Variants in FHIT observed in about 807,000 individuals in gnomAD.
FHIT encodes bis(5'-adenosyl)-triphosphatase.
In FHIT, 19 loss-of-function variants were observed where a neutral mutation model predicts 17.9. That is an observed-to-expected ratio of 1.06 (90% CI 0.74 to 1.56). The LOEUF is 1.56. Among genes scored for constraint, FHIT ranks in the 40% most tolerant of loss-of-function variants. The pLI, the probability that FHIT is intolerant of heterozygous loss-of-function variation, is 0.00. For missense variants in FHIT, 248 were observed against 189.2 expected, an observed-to-expected ratio of 1.31 and a Z score of -1.82; for synonymous variants, 81 against 69.7, an observed-to-expected ratio of 1.16 and a Z score of -0.81.
intron 4 of FHIT, among the ~76,000 whole-genome samples, chr3:60,575,878 T>C (rs2037547821): frequency 6.6e-6 from 1 of 152,074 alleles, no homozygotes; most frequent in Admixed American, 6.5e-5. Context: ...CTACCACAAC[T>C]GCTGAAAGGA....
At chr3:60,586,160 G>T (rs187590622) in intron 4 of FHIT, among the ~76,000 whole-genome samples, 4 of 151,816 alleles carry the variant, frequency 2.6e-5, no homozygotes, top group Admixed American at 2.6e-4. Flanking sequence ...TGAGCACACT[G>T]GCTGCAGTAA....
intron 7 of FHIT, among the ~76,000 whole-genome samples, chr3:59,997,399 AT>A (rs1699558055): frequency 6.6e-6 from 1 of 152,194 alleles, no homozygotes; most frequent in South Asian, 2.1e-4. Flanking sequence ...GTTCACAATA[AT>A]AAAAAGAAAG....
chr3:60,569,339 T>A (rs1387081481), intron 4 of FHIT, among the ~76,000 whole-genome samples: 2 of 152,162 alleles, frequency 1.3e-5, no homozygotes, highest in African/African-American at 2.4e-5. Context: ...TTCAGTACTG[T>A]GATAAAGTGA....
chr3:60,934,277 C>CA (rs1288382427), intron 3 of FHIT, among the ~76,000 whole-genome samples: 52 of 149,688 alleles, frequency 3.5e-4, no homozygotes, highest in African/African-American at 7.1e-4. Context: ...ACAGCCCTAT[C>CA]AAAAAAAAGA....
chr3:60,277,505 G>A (rs1173925285), intron 5 of FHIT, among the ~76,000 whole-genome samples: 1 of 152,124 alleles, frequency 6.6e-6, no homozygotes, highest in Admixed American at 6.5e-5. Context: ...TTCTTTGCCA[G>A]CCACATGTAG....
At chr3:61,065,292 C>T (rs529341720) in intron 2 of FHIT, among the ~76,000 whole-genome samples, 57 of 116,414 alleles carry the variant, frequency 4.9e-4, no homozygotes, top group African/African-American at 1.6e-3. Flanking sequence ...CACACACACA[C>T]ACATACACAC....
intron 8 of FHIT, among the ~76,000 whole-genome samples, chr3:59,862,431 A>G (rs915113478): frequency 1.3e-5 from 2 of 152,206 alleles, no homozygotes; most frequent in Non-Finnish European, 2.9e-5. Flanking sequence ...AACCATATCA[A>G]CAATCATAAC....
At chr3:60,682,201 G>C (rs1239176858) in intron 4 of FHIT, among the ~76,000 whole-genome samples, 2 of 152,054 alleles carry the variant, frequency 1.3e-5, no homozygotes, top group African/African-American at 4.8e-5. Flanking sequence ...TCGAACTCCT[G>C]ACCTCATTAT....
At chr3:61,124,278 C>T (rs2036546417) in intron 2 of FHIT, among the ~76,000 whole-genome samples, 2 of 152,146 alleles carry the variant, frequency 1.3e-5, no homozygotes, top group Admixed American at 1.3e-4. Context: ...ATAGCCAAAA[C>T]TCTCTGTGGT....
chr3:59,802,270 G>A (rs1039591870), intron 8 of FHIT, among the ~76,000 whole-genome samples: 1 of 152,016 alleles, frequency 6.6e-6, no homozygotes, highest in African/African-American at 2.4e-5. Context: ...TCAGACAGAA[G>A]CCTGTGTGTG....
chr3:60,532,556 C>G (rs1199234888), intron 5 of FHIT, among the ~76,000 whole-genome samples: 7 of 152,118 alleles, frequency 4.6e-5, no homozygotes, highest in African/African-American at 1.4e-4. Flanking sequence ...ATTCTGTCAC[C>G]AAGAAACTCT....
chr3:60,225,830 C>G (rs544394852), intron 5 of FHIT, among the ~76,000 whole-genome samples: 1 of 152,114 alleles, frequency 6.6e-6, no homozygotes, highest in African/African-American at 2.4e-5. Context: ...AGACAGAATA[C>G]AGCATTCTCT....
At chr3:59,972,631 G>A (rs1037158526) in intron 7 of FHIT, among the ~76,000 whole-genome samples, 2 of 152,066 alleles carry the variant, frequency 1.3e-5, no homozygotes, top group Non-Finnish European at 1.5e-5. Context: ...CCTGACAAGT[G>A]GAATCCAAGT....
In FHIT at chr3:60,441,714, A is replaced by ATATATTTGTATT. The variant is rs1553772769; in HGVS notation, c.103+95145_103+95146insAATACAAATATA. Among the ~76,000 whole-genome samples the ATATATTTGTATT allele has an allele frequency of 1.5e-3, 105 of 72,192 alleles. 2 individuals are homozygous for ATATATTTGTATT. Among genetic ancestry groups the ATATATTTGTATT allele is most frequent in the Admixed American group, 2.4e-3 (10 of 4,144 alleles). 47.4% of individuals were successfully genotyped at this position (72,192 alleles called of 152,430 possible). ...CATCTGTAGGTATTTATATATATAT[A>ATATATTTGTATT]TATATATATTTGTATTTATATATAT... On this transcript the variant is annotated intron_variant, in intron 5 of 9. Coordinates refer to ENST00000492590, the MANE Select transcript of FHIT (RefSeq NM_002012.4).
intron 5 of FHIT, among the ~76,000 whole-genome samples, chr3:60,023,313 A>C (rs2106743752): frequency 6.6e-6 from 1 of 152,358 alleles, no homozygotes; most frequent in Middle Eastern, 3.4e-3. Context: ...ACCACATGCA[A>C]CATAAATAAT....
At chr3:59,916,099 G>C (rs888535805) in intron 8 of FHIT, among the ~76,000 whole-genome samples, 3 of 152,080 alleles carry the variant, frequency 2.0e-5, no homozygotes, top group Non-Finnish European at 4.4e-5. Context: ...TCAGTGGACT[G>C]GGAGAGGCAG....
At chr3:61,003,495 T>A (rs981267441) in intron 3 of FHIT, among the ~76,000 whole-genome samples, 2 of 152,238 alleles carry the variant, frequency 1.3e-5, no homozygotes, top group Non-Finnish European at 2.9e-5. Flanking sequence ...ATTCTAATAT[T>A]CACTTATAAT....
intron 5 of FHIT, among the ~76,000 whole-genome samples, chr3:60,277,076 G>C (rs896297869): frequency 1.1e-4 from 17 of 152,054 alleles, no homozygotes; most frequent in Non-Finnish European, 1.6e-4. Flanking sequence ...AAAAAATCTT[G>C]CTGACATCTT....
chr3:60,765,321 C>T (rs774437100), intron 4 of FHIT, among the ~76,000 whole-genome samples: 10 of 152,068 alleles, frequency 6.6e-5, no homozygotes, highest in Non-Finnish European at 1.2e-4. Context: ...TGGACCTTCT[C>T]AAAAGGGAAT....
Sources: allele counts gnomAD v4.1 joint callset (sites outside exome capture counted in the v4.1 genomes callset), GRCh38; gene constraint gnomAD v4.1.1; transcripts MANE v1.5; gene names NCBI Gene and HGNC (gene_info 2026-07-23, HGNC 2026-07-21).